Variants in FN1 observed in about 807,000 individuals in gnomAD.
FN1 encodes the protein fibronectin 1.
In FN1, 106 loss-of-function variants were observed where a neutral mutation model predicts 297.3. That is an observed-to-expected ratio of 0.36 (90% confidence interval 0.30 to 0.42). FN1 has a LOEUF of 0.42. Ranked by LOEUF, FN1 falls within the 10% of genes least tolerant of loss-of-function variation. The pLI is 1.00. For missense variants in FN1, 2,690 were observed against 3,124.9 expected (o/e 0.86, Z 3.32); for synonymous variants, 1,149 against 1,152.6 (o/e 1.00, Z 0.06).
chr2:215,398,550 T>G (rs1304641470), intron 21 of FN1, among the ~76,000 whole-genome samples: 1 of 152,216 alleles, frequency 6.6e-6, no homozygotes, highest in Non-Finnish European at 1.5e-5. Flanking sequence ...TCTTCTATAT[T>G]TGAGTAGCAT....
chr2:215,394,573 T>G lies in FN1; in HGVS notation c.3751A>C (p.Lys1251Gln). Reference sequence around the variant, plus strand: ...ATAGGGACACTTTCCTTGTCATCCTTGACAGTGTAAACACTGACATTGTAC... The same window carrying G: ...ATAGGGACACTTTCCTTGTCATCCTGGACAGTGTAAACACTGACATTGTAC... ...LEYNVSVYTV[K>Q]DDKESVPISD... The change falls in exon 24 of 46, where the codon AAG (lysine) becomes CAG (glutamine). Residue 1251 changes from lysine (K) to glutamine (Q), a missense_variant. Physicochemically the swap from Lys to Gln is moderately conservative, Grantham distance 53 (BLOSUM62 1). This residue lies in a region of FN1 where 1,743 missense variants were observed against 1,945.2 expected (regional missense o/e 0.90). Coordinates refer to ENST00000354785, the MANE Select transcript of FN1 (RefSeq NM_212482.4). 6.2e-7 allele frequency: 1 copy of G among 1,614,114 alleles called. No individual in the cohort carries two copies. Among genetic ancestry groups the G allele is most frequent in the Non-Finnish European group, 8.5e-7 (1 of 1,179,990 alleles).
chr2:215,383,486 A>G lies in FN1; in HGVS notation c.4895-3T>C, dbSNP rs111512738. ...CATCTGGGATGGTTTGTCAATTTCTACAAATAAAAGCAGGGAGAAACCAGT... is the reference window on the plus strand; with the variant it reads ...CATCTGGGATGGTTTGTCAATTTCTGCAAATAAAAGCAGGGAGAAACCAGT... On this transcript the variant is annotated splice_polypyrimidine_tract_variant and splice_region_variant and intron_variant, in intron 30 of 45. Coordinates refer to ENST00000354785, the MANE Select transcript of FN1 (RefSeq NM_212482.4). 6.2e-7 allele frequency: 1 copy of G among 1,614,158 alleles called. No homozygotes were observed. Among genetic ancestry groups the G allele is most frequent in the Non-Finnish European group, 8.5e-7 (1 of 1,179,992 alleles).
At chr2:215,435,557 C>G in intron 1 of FN1, 98 bp downstream of exon 1, 1 of 1,538,016 alleles carries the variant, frequency 6.5e-7, no homozygotes, top group East Asian at 2.3e-5. Flanking sequence ...CGCACACACT[C>G]GCACACACGC....
intron 13 of FN1, among the ~76,000 whole-genome samples, chr2:215,412,020 T>C (rs2062721678): frequency 6.6e-6 from 1 of 152,094 alleles, no homozygotes; most frequent in African/African-American, 2.4e-5. Context: ...TCTCACATAA[T>C]ACTTTGGATA....
At chr2:215,381,176 C>T in intron 32 of FN1, 96 bp from the exon 33 acceptor site, 1 of 1,239,592 alleles carries the variant, frequency 8.1e-7, no homozygotes, top group Non-Finnish European at 1.2e-6. Flanking sequence ...ATACCATTTT[C>T]TTTGATGAAG....
In FN1 at chr2:215,386,850, T is replaced by C; in HGVS notation, c.4451A>G (p.His1484Arg). 1.2e-6 allele frequency: 2 copies of C among 1,614,026 alleles called. No individual in the cohort carries two copies. The highest frequency in any genetic ancestry group is 1.7e-6 in the Non-Finnish European group (2 of 1,179,984). Residue 1484 changes from histidine to arginine, a missense_variant, in exon 28 of 46, where the codon CAT (histidine) becomes CGT (arginine). By Grantham distance (29) the His-to-Arg change is conservative. Coordinates refer to ENST00000354785, the MANE Select transcript of FN1 (RefSeq NM_212482.4). ...ATITGYRIRH[H>R]PEHFSGRPRE... ...AGGTCTCCCACTGAAGTGCTCGGGA[T>C]GATGGCGGATCCTGTAGCCAGTGAT...
At chr2:215,375,422 G>A (rs764795721) in intron 37 of FN1, 29 bp from the exon 38 acceptor site, 4 of 1,604,338 alleles carry the variant, frequency 2.5e-6, no homozygotes, top group Non-Finnish European at 3.4e-6. Context: ...AAGTCTCTAA[G>A]AAGGCAAATA....
chr2:215,425,393 G>A, intron 6 of FN1, 108 bp from the exon 7 acceptor site: 1 of 1,117,942 alleles, frequency 8.9e-7, no homozygotes, highest in African/African-American at 1.5e-5. Flanking sequence ...TGAAATCTAT[G>A]TCGCTACTGG....
intron 32 of FN1, 143 bp from the exon 33 acceptor site, chr2:215,381,223 A>C (rs952457510): frequency 2.6e-6 from 2 of 779,456 alleles, no homozygotes; most frequent in African/African-American, 3.5e-5. Context: ...AAATCACTTA[A>C]ACACTTGCTT....
chr2:215,398,841 A>G (rs2060627427), intron 21 of FN1, among the ~76,000 whole-genome samples: 1 of 152,238 alleles, frequency 6.6e-6, no homozygotes. Flanking sequence ...AACTGATTGG[A>G]TGAAAATGCG....
intron 36 of FN1, 69 bp downstream of exon 36, chr2:215,376,429 C>T: frequency 1.7e-5 from 24 of 1,375,642 alleles, no homozygotes; most frequent in Non-Finnish European, 2.5e-5. Context: ...AGTCGTAGAA[C>T]AGTTAATAAG....
rs1316764601 is a variant in FN1, at chr2:215,388,211, C to A, written c.4342+1G>T. 1 of 1,610,350 alleles carries A rather than the reference C, an allele frequency of 6.2e-7. No individual in the cohort carries two copies. Among genetic ancestry groups the A allele is most frequent in the South Asian group, 1.1e-5 (1 of 91,016 alleles). Reference sequence around the variant, plus strand: ...ATAGTCATACTGCCAACACCACTCACCTGTTTTCTGTCTTCCTCTAAGAGG... The same window carrying A: ...ATAGTCATACTGCCAACACCACTCAACTGTTTTCTGTCTTCCTCTAAGAGG... On this transcript the variant is annotated splice_donor_variant, in intron 27 of 45. Transcript: ENST00000354785. LOFTEE classifies it high-confidence loss of function.
chr2:215,435,767 C>G lies in FN1; in HGVS notation c.36G>C (p.Leu12=), dbSNP rs761372237. ...LRGPGPGLLL[L]AVQCLGTAVP... is the part of the protein sequence containing the mutation. ...CCGCTGTCCCCAGGCACTGGACGGCCAGCAGCAGCAGCCCGGGCCCCGGAC... is the reference window on the plus strand; with the variant it reads ...CCGCTGTCCCCAGGCACTGGACGGCGAGCAGCAGCAGCCCGGGCCCCGGAC... Residue 12 remains leucine (L), a synonymous_variant, in exon 1 of 46, where the codon CTG becomes CTC. Transcript: ENST00000354785. 2 of 1,540,720 alleles carry G rather than the reference C, an allele frequency of 1.3e-6. No individual in the cohort carries two copies. The highest frequency in any genetic ancestry group is 4.7e-5 in the East Asian group (2 of 42,742).
Position 215,433,479 on chromosome 2 carries a change from G to A in FN1, c.278-18C>T, listed in dbSNP as rs57534860. 45 of 1,611,890 alleles carry A rather than the reference G, an allele frequency of 2.8e-5. No homozygotes were observed. In the African/African-American group the frequency reaches 5.5e-4, roughly 20 times the overall value. Reference sequence around the variant, plus strand: ...CTCTTCAGCTGAGGGGAAAAGGAAAGTCCATGTGAGCCTCACTTAGGTACA... The same window carrying A: ...CTCTTCAGCTGAGGGGAAAAGGAAAATCCATGTGAGCCTCACTTAGGTACA... On this transcript the variant is annotated intron_variant, in intron 2 of 45. Transcript: ENST00000354785.
intron 6 of FN1, among the ~76,000 whole-genome samples, chr2:215,427,592 A>G (rs1030118304): frequency 6.6e-6 from 1 of 152,214 alleles, no homozygotes; most frequent in African/African-American, 2.4e-5. Flanking sequence ...AAAATTTCGA[A>G]TGCCAATACA....
At position 215,421,470 on chromosome 2, in the gene FN1, C is replaced by T. The variant is rs576715109; in HGVS notation, c.1546+621G>A. On this transcript the variant is annotated intron_variant, in intron 10 of 45. Transcript: ENST00000354785. ...ATTATTACTCCCGGATGGTGTTACCCACTGGACACCACAAAAGGAGAACAA... is the reference window on the plus strand; with the variant it reads ...ATTATTACTCCCGGATGGTGTTACCTACTGGACACCACAAAAGGAGAACAA... Among the ~76,000 whole-genome samples the T allele has an allele frequency of 1.8e-4, 28 of 152,252 alleles. No individual in the cohort carries two copies. The East Asian group carries it at 5.2e-3, about 28-fold the overall frequency.
intron 13 of FN1, among the ~76,000 whole-genome samples, chr2:215,412,872 A>G (rs1339296173): frequency 7.0e-6 from 1 of 143,602 alleles, no homozygotes; most frequent in African/African-American, 2.6e-5. Context: ...CATATCCACC[A>G]TTTTTCATGT....
At chr2:215,427,609 A>AAAT (rs780033052) in intron 6 of FN1, among the ~76,000 whole-genome samples, 11 of 152,232 alleles carry the variant, frequency 7.2e-5, no homozygotes, top group Non-Finnish European at 1.5e-4. Flanking sequence ...TACATGAAGG[A>AAAT]AATAATTGTG....
intron 1 of FN1, 43 bp from the exon 2 acceptor site, chr2:215,434,867 T>A (rs781747095): frequency 6.2e-7 from 1 of 1,602,276 alleles, no homozygotes; most frequent in South Asian, 1.1e-5. Flanking sequence ...CATTTCTCCT[T>A]TTCCCAAAAT....
Sources: gnomAD v4.1 joint callset for allele counts (sites outside exome capture counted in the v4.1 genomes callset) on GRCh38, gnomAD v4.1.1 for gene constraint, gnomAD v4.1.1 regional missense constraint, MANE v1.5 for transcripts, NCBI Gene and HGNC (gene_info 2026-07-23, HGNC 2026-07-21) for gene names.